Variants in CSF1R observed in about 807,000 individuals in gnomAD.
CSF1R encodes the protein colony stimulating factor 1 receptor.
CSF1R carries 40 observed loss-of-function variants against 110.0 expected under a neutral mutation model. That is an observed-to-expected ratio of 0.36 (90% confidence interval 0.28 to 0.47). The LOEUF is 0.47. CSF1R is among the 20% of genes least tolerant of loss of function. The pLI, the probability that CSF1R is intolerant of heterozygous loss-of-function variation, is 0.99. For synonymous variants in CSF1R, 523 were observed against 503.4 expected, an observed-to-expected ratio of 1.04 and a Z score of -0.52; for missense variants, 1,052 against 1,253.0, an observed-to-expected ratio of 0.84 and a Z score of 2.42.
upstream of CSF1R, among the ~76,000 whole-genome samples, chr5:150,091,500 A>G (rs950111628): frequency 8.4e-4 from 128 of 152,334 alleles, 1 homozygote; most frequent in African/African-American, 2.8e-3. Context: ...TGTTAAGTCA[A>G]TGAAGCCAGT....
rs775029262 is a variant in CSF1R at position 150,070,458 on chromosome 5, C to T, written c.1196G>A (p.Arg399Gln). ...WRALTFELTLRYPPEVSVIWT... is the reference protein window; with the variant it reads ...WRALTFELTLQYPPEVSVIWT... ...TGGCGCTCGGCCCCAGCACTCACAT[C>T]GAAGGGTGAGCTCAAACGTCAGAGC... The change falls in exon 7 of 21, where the codon CGA (arginine) becomes CAA (glutamine). Residue 399 changes from arginine to glutamine, a missense_variant and splice_region_variant. Physicochemically the swap from Arg to Gln is conservative, Grantham distance 43. This residue lies in a region of CSF1R where 693 missense variants were observed against 735.4 expected (regional missense o/e 0.94). Transcript: ENST00000675795. 4.4e-5 allele frequency: 68 copies of T among 1,554,736 alleles called. No individual in the cohort carries two copies. Among genetic ancestry groups the T allele is most frequent in the Non-Finnish European group, 5.4e-5 (62 of 1,150,868 alleles).
intron 6 of CSF1R, among the ~76,000 whole-genome samples, chr5:150,071,830 C>T (rs1300576996): frequency 6.6e-6 from 1 of 152,146 alleles, no homozygotes; most frequent in Non-Finnish European, 1.5e-5. Flanking sequence ...AAGACAGAGA[C>T]CTGGCCAGAA....
chr5:150,101,154 G>T (rs1420071540), intron 1 of CSF1R, among the ~76,000 whole-genome samples: 2 of 152,094 alleles, frequency 1.3e-5, no homozygotes, highest in African/African-American at 4.8e-5. Flanking sequence ...CCTATAGAAT[G>T]AGATGGAAGT....
chr5:150,082,008 C>T (rs1305804323), intron 1 of CSF1R, among the ~76,000 whole-genome samples: 2 of 152,220 alleles, frequency 1.3e-5, no homozygotes, highest in African/African-American at 2.4e-5. Flanking sequence ...TTGTTGGCGT[C>T]AGGCTCAGCC....
intron 16 of CSF1R, among the ~76,000 whole-genome samples, chr5:150,056,982 G>A (rs216137): frequency 0.46 from 69,914 of 151,916 alleles, 18,839 homozygotes; most frequent in Non-Finnish European, 0.6. Flanking sequence ...CCACCAGACC[G>A]CGTGCTTTAT....
chr5:150,106,789 A>C (rs1759570810), intron 1 of CSF1R, among the ~76,000 whole-genome samples: 1 of 150,510 alleles, frequency 6.6e-6, no homozygotes, highest in Non-Finnish European at 1.5e-5. Flanking sequence ...ACACCCCCAC[A>C]CTCCTTCTTC....
chr5:150,099,569 T>G (rs1003334660), intron 1 of CSF1R, among the ~76,000 whole-genome samples: 1 of 152,220 alleles, frequency 6.6e-6, no homozygotes, highest in Non-Finnish European at 1.5e-5. Flanking sequence ...AAACTTCTGA[T>G]GTACACAACG....
intron 16 of CSF1R, 132 bp from the exon 17 acceptor site, chr5:150,056,473 A>G: frequency 8.9e-7 from 1 of 1,127,962 alleles, no homozygotes; most frequent in Non-Finnish European, 1.3e-6. Context: ...GTCCTTTACC[A>G]CAAACCCTTG....
intron 10 of CSF1R, among the ~76,000 whole-genome samples, chr5:150,065,627 G>A (rs953276854): frequency 6.6e-6 from 1 of 152,238 alleles, no homozygotes; most frequent in East Asian, 1.9e-4. Context: ...AGAGGAGGAT[G>A]GGAGGGCAGG....
In CSF1R at chr5:150,054,149, A is replaced by G. The variant is rs923332469; in HGVS notation, c.2839T>C (p.Ser947Pro). ...TCGCAGCAGGTCAGGTGCTCACTAGAGCTCTCCTCCTCCAGCTCACTGCTG... is the reference window on the plus strand; with the variant it reads ...TCGCAGCAGGTCAGGTGCTCACTAGGGCTCTCCTCCTCCAGCTCACTGCTG... Reference protein sequence around the residue: ...SSSSELEEESSSEHLTCCEQG... With the variant: ...SSSSELEEESPSEHLTCCEQG... Residue 947 changes from serine to proline, a missense_variant, in exon 21 of 21, where the codon TCT becomes CCT. This residue lies in a region of CSF1R where 85 missense variants were observed against 78.8 expected (regional missense o/e 1.08). Transcript: ENST00000675795. 2.5e-6 allele frequency: 4 copies of G among 1,613,596 alleles called. No homozygotes were observed. The African/African-American group carries it at 5.3e-5, about 22-fold the overall frequency.
At chr5:150,097,940 T>G (rs1236650930) in intron 1 of CSF1R, among the ~76,000 whole-genome samples, 2 of 152,180 alleles carry the variant, frequency 1.3e-5, no homozygotes, top group African/African-American at 4.8e-5. Context: ...AGGAATTAGA[T>G]TAGCCAAAAT....
At chr5:150,092,548 G>C (rs1302660853) in intron 1 of CSF1R, among the ~76,000 whole-genome samples, 1 of 152,186 alleles carries the variant, frequency 6.6e-6, no homozygotes, top group African/African-American at 2.4e-5. Context: ...GTTCAGCATG[G>C]CTGAGGAGGC....
In CSF1R at chr5:150,059,692, G is replaced by A; in HGVS notation, c.2132+8C>T. 1.9e-6 allele frequency: 3 copies of A among 1,612,748 alleles called. No homozygotes were observed. The highest frequency in any genetic ancestry group is 1.7e-6 in the Non-Finnish European group (2 of 1,178,916). On this transcript the variant is annotated splice_region_variant and intron_variant, in intron 14 of 20. Coordinates refer to ENST00000675795, the MANE Select transcript of CSF1R (RefSeq NM_001288705.3). ...CTGGCCTTTTTCTTGTCCTTTGCCA[G>A]GGGCTACCTGCGGACATATTTCTTC...
Position 150,062,488 on chromosome 5 carries a change from G to T in CSF1R, c.1627-639C>A, listed in dbSNP as rs143267177. ...GTCTCTGTGAATTGCACTGCTCTAG[G>T]CACTGCACCTCAGTGGACTCACACA... On this transcript the variant is annotated intron_variant, in intron 10 of 20. Transcript: ENST00000675795. 3.0e-3 allele frequency among the ~76,000 whole-genome samples: 401 copies of T among 135,468 alleles called. 40 individuals are homozygous for T. Among genetic ancestry groups the T allele is most frequent in the Non-Finnish European group, 4.8e-3 (301 of 62,064 alleles). 88.9% of individuals were successfully genotyped at this position (135,468 alleles called of 152,430 possible). A position where few individuals can be genotyped will look rare whatever the true frequency, so the allele number is the denominator to read the frequency against.
At chr5:150,071,205 C>T (rs1218793989) in intron 6 of CSF1R, among the ~76,000 whole-genome samples, 1 of 152,120 alleles carries the variant, frequency 6.6e-6, no homozygotes, top group East Asian at 1.9e-4. Flanking sequence ...TTCAATGGTA[C>T]CCTTTATTAC....
intron 1 of CSF1R, among the ~76,000 whole-genome samples, chr5:150,108,345 G>A (rs1164705568): frequency 7.2e-5 from 11 of 152,100 alleles, no homozygotes; most frequent in Admixed American, 2.0e-4. Context: ...AGGTGGTGAC[G>A]GTAGCACCAA....
intron 6 of CSF1R, 131 bp downstream of exon 6, chr5:150,073,170 G>A (rs993569480): frequency 1.2e-6 from 1 of 847,240 alleles, no homozygotes; most frequent in Non-Finnish European, 1.8e-6. Context: ...GGAAAGCGAA[G>A]CCCAGAAAGG....
chr5:150,063,396 C>T (rs528231540), intron 10 of CSF1R, among the ~76,000 whole-genome samples: 5 of 151,884 alleles, frequency 3.3e-5, no homozygotes, highest in African/African-American at 4.8e-5. Flanking sequence ...TCACTCATGC[C>T]GGAGTGCAGT....
rs1412541576 is a variant in CSF1R, at chr5:150,053,642, T to C, written c.*427A>G. ...GGTCTGTGAGCATCTGCTGCTCCTC[T>C]CAGAGAGGGAGATCTCACTCTCTGC... On this transcript the variant is annotated 3_prime_UTR_variant, in exon 21 of 21. Transcript: ENST00000675795. 1 of 287,916 alleles carries C rather than the reference T, an allele frequency of 3.5e-6. No homozygotes were observed. The highest frequency in any genetic ancestry group is 6.6e-6 in the Non-Finnish European group (1 of 151,486). The allele number at this position is 287,916 out of a possible 1,614,324, so 17.8% of individuals were successfully genotyped here.
Sources: allele counts gnomAD v4.1 joint callset (sites outside exome capture counted in the v4.1 genomes callset), GRCh38; gene constraint gnomAD v4.1.1; regional missense constraint gnomAD v4.1.1; transcripts MANE v1.5; gene names NCBI Gene and HGNC (gene_info 2026-07-23, HGNC 2026-07-21).